Variants in KCNMB2 observed in about 807,000 individuals in gnomAD.
The protein encoded by KCNMB2 is calcium-activated potassium channel subunit beta-2.
KCNMB2 carries 9 observed loss-of-function variants against 24.5 expected under a neutral mutation model. That is an observed-to-expected ratio of 0.37 (90% CI 0.22 to 0.64). KCNMB2 has a LOEUF of 0.64. Among genes scored for constraint, KCNMB2 ranks in the 30% least tolerant of loss-of-function variants. The pLI is 0.63. For synonymous variants in KCNMB2, 109 were observed against 104.4 expected (o/e 1.04, Z -0.27); for missense variants, 226 against 284.3 (o/e 0.79, Z 1.47).
At chr3:178,690,793 C>CTAAAG (rs2108328739) in intron 1 of KCNMB2, among the ~76,000 whole-genome samples, 1 of 152,240 alleles carries the variant, frequency 6.6e-6, no homozygotes, top group East Asian at 1.9e-4. Flanking sequence ...ACATGGTGTA[C>CTAAAG]TAAAGGTTGG....
In KCNMB2 at chr3:178,762,435, G is replaced by A. The variant is rs546878223; in HGVS notation, c.-67-44908G>A. The stretch of plus-strand genomic sequence containing the variant: ...AAGAAAAGGAGTACAACACAACAGC[G>A]TTAGAGAAAATATGAACATGCAGGG... On this transcript the variant is annotated intron_variant, in intron 1 of 4. Transcript: ENST00000452583. Among the ~76,000 whole-genome samples, 14 of 152,268 alleles carry A rather than the reference G, an allele frequency of 9.2e-5. No homozygotes were observed. In the South Asian group the frequency reaches 1.5e-3, roughly 16 times the overall value.
chr3:178,622,439 T>C (rs1577055395), intron 1 of KCNMB2, among the ~76,000 whole-genome samples: 1 of 152,220 alleles, frequency 6.6e-6, no homozygotes, highest in African/African-American at 2.4e-5. Flanking sequence ...AAGGAACTAT[T>C]ATCCATATTT....
intron 1 of KCNMB2, among the ~76,000 whole-genome samples, chr3:178,700,768 TA>T (rs35566284): frequency 5.5e-4 from 81 of 147,868 alleles, no homozygotes; most frequent in African/African-American, 1.3e-3. Context: ...ATGAGTAGTG[TA>T]AAAAAAAAAA....
chr3:178,543,682 C>A (rs138130978), intron 1 of KCNMB2, among the ~76,000 whole-genome samples: 60 of 152,278 alleles, frequency 3.9e-4, no homozygotes, highest in African/African-American at 1.3e-3. Flanking sequence ...TCTCAAATTT[C>A]CGATTCCTGA....
Position 178,807,465 on chromosome 3 carries a change from G to T in KCNMB2, c.56G>T (p.Arg19Ile). The change falls in exon 2 of 5, where the codon AGA becomes ATA. Residue 19 changes from arginine to isoleucine, a missense_variant and splice_region_variant. Arg to Ile is a moderately conservative substitution (Grantham distance 97). Transcript: ENST00000452583. The part of the protein sequence containing the change: ...TSSSYRHDEK[R>I]NIYQKIRDHD... ...TCATCTTATAGACATGATGAAAAAA[G>T]GTAAATGCACTGGGATTCTGGGCAC... 1 of 1,612,946 alleles carries T rather than the reference G, an allele frequency of 6.2e-7. No homozygotes were observed. The highest frequency in any genetic ancestry group is 8.5e-7 in the Non-Finnish European group (1 of 1,179,122).
At chr3:178,622,067 G>A (rs1430342651) in intron 1 of KCNMB2, among the ~76,000 whole-genome samples, 2 of 152,216 alleles carry the variant, frequency 1.3e-5, no homozygotes, top group Non-Finnish European at 2.9e-5. Flanking sequence ...TTATAGGATT[G>A]TCAGGAATAC....
At chr3:178,724,868 A>C (rs13074613) in intron 1 of KCNMB2, among the ~76,000 whole-genome samples, 22,455 of 151,888 alleles carry the variant, frequency 0.15, 1,807 homozygotes, top group Middle Eastern at 0.23. Context: ...CTATGTGTCT[A>C]TTTTTGTACC....
At chr3:178,676,003 G>T (rs2108588358) in intron 1 of KCNMB2, among the ~76,000 whole-genome samples, 1 of 152,302 alleles carries the variant, frequency 6.6e-6, no homozygotes, top group African/African-American at 2.4e-5. Flanking sequence ...CTGAGGCTCA[G>T]AAAGGTTAAT....
intron 1 of KCNMB2, among the ~76,000 whole-genome samples, chr3:178,547,935 A>G (rs1715827096): frequency 6.6e-6 from 1 of 152,222 alleles, no homozygotes; most frequent in African/African-American, 2.4e-5. Context: ...TGTTCATTGT[A>G]CCACAAATCT....
intron 1 of KCNMB2, among the ~76,000 whole-genome samples, chr3:178,782,768 T>C (rs1368757322): frequency 6.6e-6 from 1 of 151,402 alleles, no homozygotes; most frequent in Non-Finnish European, 1.5e-5. Flanking sequence ...GGTAGTTTCT[T>C]TTGCTGTGCA....
At chr3:178,836,774 G>C in intron 4 of KCNMB2, among the ~76,000 whole-genome samples, 1 of 151,696 alleles carries the variant, frequency 6.6e-6, no homozygotes, top group East Asian at 1.9e-4. Flanking sequence ...GAGTCTAAAA[G>C]CTAAATCTTC....
At position 178,719,420 on chromosome 3, in the gene KCNMB2, A is replaced by G. The variant is rs540706268; in HGVS notation, c.-67-87923A>G. On this transcript the variant is annotated intron_variant, in intron 1 of 4. Coordinates refer to ENST00000452583, the MANE Select transcript of KCNMB2 (RefSeq NM_181361.3). ...TAGGAATGGCCTGGCTTTATAACTCATAGGTAACAGCTTGTGTGACTCTGT... is the reference window on the plus strand; with the variant it reads ...TAGGAATGGCCTGGCTTTATAACTCGTAGGTAACAGCTTGTGTGACTCTGT... Among the ~76,000 whole-genome samples, 22 of 152,362 alleles carry G rather than the reference A, an allele frequency of 1.4e-4. No homozygotes were observed. The South Asian group carries it at 4.1e-3, about 29-fold the overall frequency.
intron 1 of KCNMB2, among the ~76,000 whole-genome samples, chr3:178,690,825 G>C (rs1176332371): frequency 6.6e-6 from 1 of 152,174 alleles, no homozygotes; most frequent in Non-Finnish European, 1.5e-5. Context: ...GAGTTCTTCT[G>C]CTTCAAACGT....
At chr3:178,614,153 C>T (rs1577049422) in intron 1 of KCNMB2, among the ~76,000 whole-genome samples, 2 of 87,558 alleles carry the variant, frequency 2.3e-5, no homozygotes, top group Admixed American at 1.5e-4. Context: ...TGCTTGATTC[C>T]TTTTAATTAT....
intron 1 of KCNMB2, among the ~76,000 whole-genome samples, chr3:178,568,434 A>T (rs1458957012): frequency 6.6e-6 from 1 of 152,168 alleles, no homozygotes; most frequent in Non-Finnish European, 1.5e-5. Context: ...CACAGACAAA[A>T]TCTGGATCCC....
At position 178,702,680 on chromosome 3, in the gene KCNMB2, C is replaced by T. The variant is rs113267273; in HGVS notation, c.-67-104663C>T. On this transcript the variant is annotated intron_variant, in intron 1 of 4. Transcript: ENST00000452583. ...TAATGATTTTTTAAAGCTCCAATAG[C>T]CTTCACATCTACACAAATATCAGTG... 1.7e-3 allele frequency among the ~76,000 whole-genome samples: 262 copies of T among 152,126 alleles called. 1 individual carries two copies. The highest frequency in any genetic ancestry group is 6.0e-3 in the African/African-American group (250 of 41,522).
intron 1 of KCNMB2, among the ~76,000 whole-genome samples, chr3:178,786,016 G>T (rs1019340566): frequency 6.6e-6 from 1 of 152,044 alleles, no homozygotes; most frequent in Non-Finnish European, 1.5e-5. Flanking sequence ...AACAGAAATG[G>T]AATTCAAACT....
rs111948045 is a variant in KCNMB2, at chr3:178,637,177, A to G, written c.-68+100466A>G. Among the ~76,000 whole-genome samples, 1,088 of 152,210 alleles carry G rather than the reference A, an allele frequency of 7.1e-3. 10 individuals are homozygous for G. Among genetic ancestry groups the G allele is most frequent in the African/African-American group, 0.022 (931 of 41,528 alleles). On this transcript the variant is annotated intron_variant, in intron 1 of 4. Coordinates refer to ENST00000452583, the MANE Select transcript of KCNMB2 (RefSeq NM_181361.3). ...CTGCAATGAACATATGCAAGCATGT[A>G]TCTTTATAACAGAATGATTTCTGTT...
chr3:178,795,262 A>G (rs948645824), intron 1 of KCNMB2: 65 of 152,178 alleles, frequency 4.3e-4, no homozygotes, highest in African/African-American at 1.5e-3. Context: ...AGGTGACGCA[A>G]CTGGGGCAGG....
Sources: allele counts gnomAD v4.1 joint callset (sites outside exome capture counted in the v4.1 genomes callset), GRCh38; gene constraint gnomAD v4.1.1; transcripts MANE v1.5; gene names NCBI Gene and HGNC (gene_info 2026-07-23, HGNC 2026-07-21).